Variants in KCMF1 observed in about 807,000 individuals in gnomAD.
The protein encoded by KCMF1 is E3 ubiquitin-protein ligase KCMF1.
In KCMF1, 3 loss-of-function variants were observed where a neutral mutation model predicts 41.1. The observed-to-expected ratio is 0.07, with a 90% CI of 0.03 to 0.19. The LOEUF (loss-of-function observed/expected upper bound fraction) is 0.19. Ranked by LOEUF, KCMF1 falls within the 10% of genes least tolerant of loss-of-function variation. The pLI, the probability that KCMF1 is intolerant of heterozygous loss-of-function variation, is 1.00. For missense variants in KCMF1, 286 were observed against 488.9 expected (o/e 0.58, Z 3.91); for synonymous variants, 142 against 164.5 (o/e 0.86, Z 1.04).
chr2:85,024,753 A>G (rs1002073170), intron 1 of KCMF1, among the ~76,000 whole-genome samples: 1 of 152,050 alleles, frequency 6.6e-6, no homozygotes, highest in African/African-American at 2.4e-5. Context: ...TTTTGTGTGT[A>G]TAGGATATGG....
intron 1 of KCMF1, among the ~76,000 whole-genome samples, chr2:84,993,928 T>C (rs1468489000): frequency 2.4e-5 from 3 of 126,372 alleles, no homozygotes; most frequent in Non-Finnish European, 5.3e-5. Flanking sequence ...TTTTGTTTTG[T>C]TTTGTTTTGT....
chr2:85,013,260 G>A (rs1467250863), intron 1 of KCMF1, among the ~76,000 whole-genome samples: 1 of 152,128 alleles, frequency 6.6e-6, no homozygotes, highest in African/African-American at 2.4e-5. Flanking sequence ...GTAGTGTTAA[G>A]TCAATGAGAA....
intron 1 of KCMF1, among the ~76,000 whole-genome samples, chr2:85,008,058 C>G (rs1674514934): frequency 6.6e-6 from 1 of 151,804 alleles, no homozygotes; most frequent in South Asian, 2.1e-4. Flanking sequence ...CCACCGTGCC[C>G]AGCCGCTAGT....
chr2:85,017,271 C>G lies in KCMF1; in HGVS notation c.17-10618C>G, dbSNP rs376015254. 2.0e-5 allele frequency among the ~76,000 whole-genome samples: 3 copies of G among 151,470 alleles called. No individual in the cohort carries two copies. The East Asian group carries it at 5.9e-4, about 30-fold the overall frequency. On this transcript the variant is annotated intron_variant, in intron 1 of 6. Transcript: ENST00000409785. ...TCGATCTCCTGACCTCATGATCCACCCGCTTCGGCCTCCCAAAGTGCTGGG... is the reference window on the plus strand; with the variant it reads ...TCGATCTCCTGACCTCATGATCCACGCGCTTCGGCCTCCCAAAGTGCTGGG...
At chr2:85,004,120 C>T (rs183044808) in intron 1 of KCMF1, among the ~76,000 whole-genome samples, 44 of 152,280 alleles carry the variant, frequency 2.9e-4, no homozygotes, top group Admixed American at 2.6e-4. Flanking sequence ...CTATTCAAAA[C>T]AGTAGGTAGT....
At chr2:85,042,043 C>G (rs941078169) in intron 3 of KCMF1, among the ~76,000 whole-genome samples, 3 of 152,164 alleles carry the variant, frequency 2.0e-5, no homozygotes, top group Non-Finnish European at 2.9e-5. Context: ...AAGAATCTGA[C>G]CACCTTCCTG....
At chr2:84,975,582 A>T (rs1321087203) in intron 1 of KCMF1, among the ~76,000 whole-genome samples, 1 of 152,106 alleles carries the variant, frequency 6.6e-6, no homozygotes, top group Non-Finnish European at 1.5e-5. Flanking sequence ...TCCAGTGAGA[A>T]TTGTAGGGCC....
intron 4 of KCMF1, 41 bp from the exon 5 acceptor site, chr2:85,046,063 T>A (rs372643608): frequency 7.2e-6 from 11 of 1,537,552 alleles, no homozygotes; most frequent in Middle Eastern, 1.7e-4. Context: ...TTTTTTTCTT[T>A]CTGTGAAATA....
intron 1 of KCMF1, among the ~76,000 whole-genome samples, chr2:84,976,637 A>C (rs538138242): frequency 2.7e-4 from 38 of 143,154 alleles, no homozygotes; most frequent in African/African-American, 1.1e-3. Flanking sequence ...TTAAAAAAAA[A>C]AAAACAAAAA....
chr2:84,983,819 T>C (rs1673828004), intron 1 of KCMF1, among the ~76,000 whole-genome samples: 1 of 151,786 alleles, frequency 6.6e-6, no homozygotes, highest in Admixed American at 6.6e-5. Flanking sequence ...CTGACTTTTG[T>C]ATTTTTTATA....
chr2:85,008,247 G>T (rs919168198), intron 1 of KCMF1, among the ~76,000 whole-genome samples: 6 of 78,076 alleles, frequency 7.7e-5, no homozygotes, highest in South Asian at 3.6e-4. Flanking sequence ...TATTATATAT[G>T]ATATATATTA....
At chr2:84,983,140 C>G (rs530238549) in intron 1 of KCMF1, among the ~76,000 whole-genome samples, 1 of 152,202 alleles carries the variant, frequency 6.6e-6, no homozygotes, top group East Asian at 1.9e-4. Flanking sequence ...TGGCATAGAC[C>G]ATTGCTATCC....
chr2:85,027,567 G>T (rs1675140257), intron 1 of KCMF1, among the ~76,000 whole-genome samples: 1 of 151,696 alleles, frequency 6.6e-6, no homozygotes, highest in Non-Finnish European at 1.5e-5. Flanking sequence ...TAGAGACGGG[G>T]TTTCAACATG....
Position 85,056,805 on chromosome 2 carries a change from T to C in KCMF1, c.*3396T>C, listed in dbSNP as rs1025282928. 6.6e-6 allele frequency: 1 copy of C among 152,242 alleles called. No individual in the cohort carries two copies. Among genetic ancestry groups the C allele is most frequent in the Non-Finnish European group, 1.5e-5 (1 of 68,054 alleles). The allele number at this position is 152,242 out of a possible 1,614,324, so 9.4% of individuals were successfully genotyped here. A position where few individuals can be genotyped will look rare whatever the true frequency, so the allele number is the denominator to read the frequency against. ...TGTAGAGAAGCCCTGCAGCCGTGTT[T>C]ACTATATATGACATGCCTGTTTCTT... On this transcript the variant is annotated 3_prime_UTR_variant, in exon 7 of 7. Coordinates refer to ENST00000409785, the MANE Select transcript of KCMF1 (RefSeq NM_020122.5).
chr2:85,026,929 C>A (rs1675122575), intron 1 of KCMF1, among the ~76,000 whole-genome samples: 1 of 152,138 alleles, frequency 6.6e-6, no homozygotes, highest in Non-Finnish European at 1.5e-5. Context: ...TGAACTTATT[C>A]TTTGGATGTT....
chr2:85,009,016 C>T (rs914872493), intron 1 of KCMF1, among the ~76,000 whole-genome samples: 1 of 152,070 alleles, frequency 6.6e-6, no homozygotes, highest in African/African-American at 2.4e-5. Flanking sequence ...AAGTGTGAGC[C>T]ACCATGCCCA....
intron 5 of KCMF1, among the ~76,000 whole-genome samples, 184 bp from the exon 6 acceptor site, chr2:85,049,182 C>T (rs966539167): frequency 6.6e-6 from 1 of 152,240 alleles, no homozygotes. Flanking sequence ...TTTGCATTCT[C>T]TGTCCACAGT....
At chr2:85,045,290 A>G (rs1188093682) in intron 4 of KCMF1, among the ~76,000 whole-genome samples, 2 of 152,014 alleles carry the variant, frequency 1.3e-5, no homozygotes, top group Non-Finnish European at 2.9e-5. Flanking sequence ...TATCAAATAT[A>G]TAAATATGAT....
intron 1 of KCMF1, among the ~76,000 whole-genome samples, chr2:84,979,848 G>T (rs893909344): frequency 1.3e-5 from 2 of 151,564 alleles, no homozygotes; most frequent in African/African-American, 4.8e-5. Flanking sequence ...TTGAGACCGA[G>T]TTTCACTATT....
Sources: allele counts gnomAD v4.1 joint callset (sites outside exome capture counted in the v4.1 genomes callset), GRCh38; gene constraint gnomAD v4.1.1; transcripts MANE v1.5; gene names NCBI Gene and HGNC (gene_info 2026-07-23, HGNC 2026-07-21).